ALDH1A2: variants seen among roughly 807,000 people sequenced by gnomAD.
ALDH1A2 encodes the protein retinal dehydrogenase 2.
In ALDH1A2, 27 loss-of-function variants were observed where a neutral mutation model predicts 60.3. That is an observed-to-expected ratio of 0.45 (90% CI 0.33 to 0.62). The LOEUF (loss-of-function observed/expected upper bound fraction) is 0.62, where lower values mean the gene tolerates loss of function less well. ALDH1A2 is among the 20% of genes least tolerant of loss of function. ALDH1A2 has a pLI of 0.02. For missense variants in ALDH1A2, 581 were observed against 643.8 expected (o/e 0.90, Z 1.06); for synonymous variants, 289 against 232.4 (o/e 1.24, Z -2.21).
intron 1 of ALDH1A2, among the ~76,000 whole-genome samples, chr15:58,032,476 G>A (rs550616618): frequency 2.6e-5 from 4 of 152,196 alleles, no homozygotes; most frequent in Admixed American, 2.6e-4. Flanking sequence ...TGCACGTTGT[G>A]CACATGTACC....
chr15:58,032,317 G>C (rs1374677341), intron 1 of ALDH1A2, among the ~76,000 whole-genome samples: 1 of 152,048 alleles, frequency 6.6e-6, no homozygotes, highest in East Asian at 1.9e-4. Context: ...AGAACACATG[G>C]ACACAGGAAG....
At chr15:57,955,347 G>T in intron 12 of ALDH1A2, 78 bp from the exon 13 acceptor site, 1 of 1,486,308 alleles carries the variant, frequency 6.7e-7, no homozygotes, top group Non-Finnish European at 9.4e-7. Context: ...GTCCTGGGGA[G>T]GTGCAGTTTA....
chr15:58,062,183 T>C (rs1897056105), intron 1 of ALDH1A2, among the ~76,000 whole-genome samples: 1 of 152,116 alleles, frequency 6.6e-6, no homozygotes, highest in African/African-American at 2.4e-5. Flanking sequence ...TCTTCCTCCC[T>C]GTGTTTCAGC....
chr15:57,985,033 C>A (rs562081992), intron 7 of ALDH1A2, among the ~76,000 whole-genome samples: 198 of 152,092 alleles, frequency 1.3e-3, no homozygotes, highest in African/African-American at 4.5e-3. Flanking sequence ...ACTATTTTGT[C>A]GAGGATTTTT....
chr15:58,023,658 G>GAAAA (rs57467358), intron 1 of ALDH1A2, among the ~76,000 whole-genome samples: 1 of 129,426 alleles, frequency 7.7e-6, no homozygotes, highest in African/African-American at 2.9e-5. Context: ...AAAGTGCTGG[G>GAAAA]AAAAAAAAAA....
chr15:57,981,400 A>C (rs1349456407), intron 7 of ALDH1A2, among the ~76,000 whole-genome samples: 1 of 152,126 alleles, frequency 6.6e-6, no homozygotes, highest in Non-Finnish European at 1.5e-5. Flanking sequence ...AATAAACGAA[A>C]GGAGAGTAAA....
chr15:57,984,778 T>A (rs1291989671), intron 7 of ALDH1A2, among the ~76,000 whole-genome samples: 1 of 152,196 alleles, frequency 6.6e-6, no homozygotes, highest in Non-Finnish European at 1.5e-5. Context: ...GACATTTGAG[T>A]TGTTTCCACT....
chr15:58,017,078 T>C (rs913624719), intron 1 of ALDH1A2, among the ~76,000 whole-genome samples: 1 of 152,162 alleles, frequency 6.6e-6, no homozygotes, highest in Non-Finnish European at 1.5e-5. Flanking sequence ...AAGCAAAATC[T>C]TGGGCTATGA....
chr15:58,007,554 G>C (rs1348782167), intron 4 of ALDH1A2, among the ~76,000 whole-genome samples: 1 of 151,960 alleles, frequency 6.6e-6, no homozygotes, highest in East Asian at 1.9e-4. Flanking sequence ...TATTTTCTTA[G>C]ATGTAAAATG....
At chr15:57,965,592 T>G (rs780685317) in intron 8 of ALDH1A2, 133 bp downstream of exon 8, 35 of 772,620 alleles carry the variant, frequency 4.5e-5, no homozygotes, top group Non-Finnish European at 7.8e-5. Context: ...AACCATTTTC[T>G]CCTTAGAGGA....
chr15:58,052,009 C>T (rs1460476536), intron 1 of ALDH1A2, among the ~76,000 whole-genome samples: 11 of 152,120 alleles, frequency 7.2e-5, no homozygotes, highest in African/African-American at 2.2e-4. Flanking sequence ...TTCACCAAGA[C>T]TCAAAGGAGG....
At chr15:57,963,821 G>C in intron 9 of ALDH1A2, 64 bp downstream of exon 9, 2 of 1,560,284 alleles carry the variant, frequency 1.3e-6, no homozygotes. Flanking sequence ...ACCTACTACA[G>C]TGTACACAGT....
At chr15:58,013,124 A>G (rs1895684533) in intron 3 of ALDH1A2, among the ~76,000 whole-genome samples, 1 of 152,202 alleles carries the variant, frequency 6.6e-6, no homozygotes, top group African/African-American at 2.4e-5. Context: ...TCTCCTTTCT[A>G]CTGGCTCACA....
chr15:58,028,232 T>C (rs777036366), intron 1 of ALDH1A2, among the ~76,000 whole-genome samples: 12 of 151,942 alleles, frequency 7.9e-5, no homozygotes, highest in Admixed American at 1.3e-4. Flanking sequence ...CAGAAGAGAG[T>C]GGGGGCCAAT....
At chr15:58,026,769 G>A (rs1896091170) in intron 1 of ALDH1A2, among the ~76,000 whole-genome samples, 1 of 152,192 alleles carries the variant, frequency 6.6e-6, no homozygotes, top group Admixed American at 6.5e-5. Flanking sequence ...CTCACTGCTA[G>A]TGCAGCAGTC....
intron 1 of ALDH1A2, among the ~76,000 whole-genome samples, chr15:58,060,259 T>G (rs140573970): frequency 4.7e-4 from 72 of 152,266 alleles, no homozygotes; most frequent in Non-Finnish European, 5.1e-4. Context: ...AAAATTGGTT[T>G]CCATTAATTT....
At chr15:58,037,575 GC>G (rs1896408975) in intron 1 of ALDH1A2, among the ~76,000 whole-genome samples, 1 of 151,636 alleles carries the variant, frequency 6.6e-6, no homozygotes, top group African/African-American at 2.4e-5. Flanking sequence ...AACATGGACA[GC>G]CCATGACATG....
At chr15:57,961,592 C>T (rs1433751885) in intron 10 of ALDH1A2, among the ~76,000 whole-genome samples, 1 of 152,322 alleles carries the variant, frequency 6.6e-6, no homozygotes, top group East Asian at 1.9e-4. Context: ...ATCCTGCAAA[C>T]ACTGCTCCAG....
At chr15:57,986,948 C>T (rs1443948231) in intron 7 of ALDH1A2, among the ~76,000 whole-genome samples, 1 of 152,052 alleles carries the variant, frequency 6.6e-6, no homozygotes, top group African/African-American at 2.4e-5. Context: ...GGCCACCACG[C>T]CCGGCCACAG....
Sources: gnomAD v4.1 joint callset for allele counts (sites outside exome capture counted in the v4.1 genomes callset) on GRCh38, gnomAD v4.1.1 for gene constraint, MANE v1.5 for transcripts, NCBI Gene and HGNC (gene_info 2026-07-23, HGNC 2026-07-21) for gene names.